The following TSPAN2 variants were observed in gnomAD, a reference collection of about 807,000 sequenced individuals.
TSPAN2 encodes the protein tetraspanin 2, also known as tetraspanin-2.
TSPAN2 carries 24 observed loss-of-function variants against 33.3 expected under a neutral mutation model. The observed-to-expected ratio is 0.72, with a 90% CI of 0.52 to 1.01. The LOEUF is 1.01. Among genes scored for constraint, TSPAN2 ranks in the 50% least tolerant of loss-of-function variants. TSPAN2 has a pLI of 0.00. For synonymous variants in TSPAN2, 114 were observed against 104.5 expected (o/e 1.09, Z -0.56); for missense variants, 278 against 281.3 (o/e 0.99, Z 0.08).
chr1:115,059,711 C>T (rs56948963), intron 4 of TSPAN2, among the ~76,000 whole-genome samples: 1 of 152,234 alleles, frequency 6.6e-6, no homozygotes, highest in African/African-American at 2.4e-5. Flanking sequence ...AGATTCCATT[C>T]TACTTCTGTA....
intron 7 of TSPAN2, among the ~76,000 whole-genome samples, chr1:115,052,454 T>C (rs924272553): frequency 3.3e-5 from 5 of 152,180 alleles, no homozygotes; most frequent in African/African-American, 7.2e-5. Flanking sequence ...AAATCCAATC[T>C]TGCCTCCCTC....
intron 6 of TSPAN2, among the ~76,000 whole-genome samples, chr1:115,054,165 A>G (rs77728129): frequency 0.031 from 4,784 of 152,276 alleles, 125 homozygotes; most frequent in Non-Finnish European, 0.042. Context: ...CCAACTTCAA[A>G]CACTCCTATT....
intron 1 of TSPAN2, among the ~76,000 whole-genome samples, chr1:115,073,988 T>G (rs1031332942): frequency 6.6e-6 from 1 of 152,198 alleles, no homozygotes; most frequent in African/African-American, 2.4e-5. Context: ...AACAGATATT[T>G]ACTGGACACC....
At chr1:115,051,747 G>C (rs72697905) in intron 7 of TSPAN2, among the ~76,000 whole-genome samples, 63,241 of 152,124 alleles carry the variant, frequency 0.42, 14,400 homozygotes, top group Non-Finnish European at 0.52. Context: ...GGCAGAAGCA[G>C]GTAAGGGCAT....
intron 2 of TSPAN2, among the ~76,000 whole-genome samples, chr1:115,072,277 C>A (rs1028246506): frequency 2.0e-5 from 3 of 152,090 alleles, no homozygotes; most frequent in Non-Finnish European, 4.4e-5. Flanking sequence ...CCCCTTCCTG[C>A]TGGAACCTCT....
chr1:115,060,926 T>C (rs1419232124), intron 3 of TSPAN2, among the ~76,000 whole-genome samples: 2 of 152,026 alleles, frequency 1.3e-5, no homozygotes, highest in African/African-American at 2.4e-5. Context: ...CCTAGAAAGA[T>C]ATAAAATAAG....
At chr1:115,069,340 T>A (rs1370617771) in intron 2 of TSPAN2, among the ~76,000 whole-genome samples, 1 of 152,210 alleles carries the variant, frequency 6.6e-6, no homozygotes, top group African/African-American at 2.4e-5. Flanking sequence ...ACGGTGGGCA[T>A]GAAGCCCAGG....
chr1:115,068,851 G>C (rs968023089), intron 2 of TSPAN2, among the ~76,000 whole-genome samples: 5 of 152,170 alleles, frequency 3.3e-5, no homozygotes, highest in African/African-American at 1.2e-4. Flanking sequence ...AAAGGTACCT[G>C]ACTTCACAAG....
intron 1 of TSPAN2, among the ~76,000 whole-genome samples, chr1:115,084,987 T>C (rs1242286855): frequency 6.6e-6 from 1 of 152,216 alleles, no homozygotes; most frequent in Non-Finnish European, 1.5e-5. Flanking sequence ...GAGCAGCTAG[T>C]GCAGCACAAT....
chr1:115,057,052 A>G (rs1000575976), intron 6 of TSPAN2, among the ~76,000 whole-genome samples: 3 of 152,148 alleles, frequency 2.0e-5, no homozygotes, highest in African/African-American at 7.2e-5. Flanking sequence ...TAAGTTTCCC[A>G]TCAAGTGCTG....
intron 2 of TSPAN2, among the ~76,000 whole-genome samples, chr1:115,068,678 G>A (rs1046728531): frequency 6.6e-6 from 1 of 152,180 alleles, no homozygotes; most frequent in African/African-American, 2.4e-5. Context: ...ACTGTATGTT[G>A]TGCAAATCCA....
intron 7 of TSPAN2, among the ~76,000 whole-genome samples, chr1:115,052,952 G>T (rs1647245085): frequency 6.6e-6 from 1 of 152,174 alleles, no homozygotes. Flanking sequence ...GTGGAGCCTA[G>T]AGTTAAATCC....
At chr1:115,071,288 G>C (rs1267304306) in intron 2 of TSPAN2, among the ~76,000 whole-genome samples, 3 of 152,134 alleles carry the variant, frequency 2.0e-5, no homozygotes, top group African/African-American at 7.2e-5. Context: ...AAATGTGTTG[G>C]GAGATTCTGA....
Position 115,089,367 on chromosome 1 carries a change from G to T in TSPAN2, c.66C>A (p.Phe22Leu). The T allele has an allele frequency of 6.3e-7, 1 of 1,588,030 alleles. No homozygotes were observed. Among genetic ancestry groups the T allele is most frequent in the African/African-American group, 1.4e-5 (1 of 73,960 alleles). The change falls in exon 1 of 8, where the codon TTC (phenylalanine) becomes TTA (leucine). Residue 22 changes from phenylalanine to leucine, a missense_variant. Phe to Leu is a conservative substitution (Grantham distance 22). Coordinates refer to ENST00000369516, the MANE Select transcript of TSPAN2 (RefSeq NM_005725.6). ...CCCTCCCGGCTCCTGGTCTCACCCA[G>T]AAGAGCAGGTTGAAGCCAAGCAGCA... ...KYLLLGFNLL[F>L]WLAGSAVIAF...
intron 1 of TSPAN2, among the ~76,000 whole-genome samples, chr1:115,083,871 T>C (rs1409404688): frequency 1.3e-5 from 2 of 152,140 alleles, no homozygotes; most frequent in African/African-American, 2.4e-5. Flanking sequence ...GTCCCTGCCC[T>C]CAAGGAGCAA....
chr1:115,062,068 T>G (rs1557878391), intron 3 of TSPAN2, 67 bp downstream of exon 3: 2 of 1,365,190 alleles, frequency 1.5e-6, no homozygotes, highest in Admixed American at 2.0e-5. Flanking sequence ...CCAGAGGCAC[T>G]GACTCCCTTC....
In TSPAN2 at chr1:115,073,108, T is replaced by C. The variant is rs905792533; in HGVS notation, c.70-101A>G. ...CAGGATGCTGACAAGGTCACCCCTT[T>C]GGAAATCACTTAGACCACCTTCCCA... is the stretch of plus-strand genomic sequence containing the variant. On this transcript the variant is annotated intron_variant, in intron 1 of 7. Transcript: ENST00000369516. 6 of 963,060 alleles carry C rather than the reference T, an allele frequency of 6.2e-6. No homozygotes were observed. The Admixed American group carries it at 9.6e-5, about 15-fold the overall frequency. 59.7% of individuals were successfully genotyped at this position (963,060 alleles called of 1,614,324 possible). A position where few individuals can be genotyped will look rare whatever the true frequency, so the allele number is the denominator to read the frequency against.
At position 115,072,922 on chromosome 1, in the gene TSPAN2, G is replaced by A. The variant is rs1648238690; in HGVS notation, c.155C>T (p.Pro52Leu). The A allele has an allele frequency of 6.2e-7, 1 of 1,613,812 alleles. No individual in the cohort carries two copies. The highest frequency in any genetic ancestry group is 1.3e-5 in the African/African-American group (1 of 74,918). ...TCACTCACCCACATAGAAATACTCT[G>A]GGGACTTGTCCTCTGATGATAACTC... ...IKELSSEDKSPEYFYVGLYVL... is the reference protein window; with the variant it reads ...IKELSSEDKSLEYFYVGLYVL... Residue 52 changes from proline to leucine, a missense_variant, in exon 2 of 8, where the codon CCA (proline) becomes CTA (leucine). Physicochemically the swap from Pro to Leu is moderately conservative, Grantham distance 98. Transcript: ENST00000369516.
chr1:115,085,346 C>T (rs776386803), intron 1 of TSPAN2, among the ~76,000 whole-genome samples: 7 of 152,210 alleles, frequency 4.6e-5, no homozygotes, highest in African/African-American at 7.2e-5. Flanking sequence ...TGTGCTGGCT[C>T]TGGCAGGGCC....
Sources: gnomAD v4.1 joint callset for allele counts (sites outside exome capture counted in the v4.1 genomes callset) on GRCh38, gnomAD v4.1.1 for gene constraint, MANE v1.5 for transcripts, NCBI Gene and HGNC (gene_info 2026-07-23, HGNC 2026-07-21) for gene names.